KRT76: variants seen among roughly 807,000 people sequenced by gnomAD.
KRT76 encodes keratin 76.
KRT76 carries 47 observed loss-of-function variants against 44.9 expected under a neutral mutation model. That is an observed-to-expected ratio of 1.05 (90% CI 0.83 to 1.33). The LOEUF is 1.33. Among genes scored for constraint, KRT76 ranks in the 40% most tolerant of loss-of-function variants. The probability of loss-of-function intolerance (pLI) is 0.00; values close to 1 mark genes in which losing one functional copy is unlikely to be tolerated. For synonymous variants in KRT76, 331 were observed against 294.1 expected (o/e 1.13, Z -1.28); for missense variants, 860 against 775.8 (o/e 1.11, Z -1.29).
chr12:52,768,850 T>C lies in KRT76; in HGVS notation c.1780A>G (p.Ser594Gly). ...GAGCTGGAGCCCATTCCACTGTGGC[T>C]CACGGAGATGCTACCTGCACCGCCG... The part of the protein sequence containing the change: ...RLGGAGSISV[S>G]HSGMGSSSGS... Residue 594 changes from serine to glycine, a missense_variant, in exon 9 of 9, where the codon AGC becomes GGC. Ser to Gly is a moderately conservative substitution (Grantham distance 56). Transcript: ENST00000332411. 1 of 1,613,864 alleles carries C rather than the reference T, an allele frequency of 6.2e-7. No homozygotes were observed. The highest frequency in any genetic ancestry group is 8.5e-7 in the Non-Finnish European group (1 of 1,179,936).
chr12:52,770,389 C>T (rs957683464), intron 7 of KRT76, among the ~76,000 whole-genome samples: 21 of 152,166 alleles, frequency 1.4e-4, no homozygotes, highest in Non-Finnish European at 1.5e-5. Context: ...CTTGACACTC[C>T]TTTAGCATTT....
At chr12:52,776,545 A>T in intron 1 of KRT76, 147 bp downstream of exon 1, 1 of 1,268,020 alleles carries the variant, frequency 7.9e-7, no homozygotes, top group South Asian at 1.5e-5. Flanking sequence ...TGAAAGGGGC[A>T]TGATCACTGT....
chr12:52,775,677 C>T (rs760154984), intron 1 of KRT76, 75 bp from the exon 2 acceptor site: 11 of 1,183,672 alleles, frequency 9.3e-6, no homozygotes, highest in Admixed American at 2.1e-5. Context: ...AAATGTAGAA[C>T]TGTGGAGAAG....
In KRT76 at chr12:52,768,665, T is replaced by G. The variant is rs1389397823; in HGVS notation, c.*48A>C. On this transcript the variant is annotated 3_prime_UTR_variant, in exon 9 of 9. Transcript: ENST00000332411. The stretch of plus-strand genomic sequence containing the variant: ...CCAAGCAGAGAGTGGGAAACACTAT[T>G]GCAGGCTGAGTGGGAAGCAGGTGGT... The G allele has an allele frequency of 6.5e-7, 1 of 1,549,956 alleles. No homozygotes were observed. Among genetic ancestry groups the G allele is most frequent in the African/African-American group, 1.4e-5 (1 of 73,840 alleles).
Position 52,768,895 on chromosome 12 carries a change from T to G in KRT76, c.1735A>C (p.Ser579Arg). The G allele has an allele frequency of 1.2e-6, 2 of 1,612,388 alleles. No homozygotes were observed. Among genetic ancestry groups the G allele is most frequent in the Non-Finnish European group, 1.7e-6 (2 of 1,178,740 alleles). ...CCGCCGAGCCTGCTCCCACTACTGC[T>G]GCTCTGGTAGCTCCCGCTGCTACCC... ...GRGSSGSYQSSSSGSRLGGAG... is the reference protein window; with the variant it reads ...GRGSSGSYQSRSSGSRLGGAG... The change falls in exon 9 of 9, where the codon AGC (serine) becomes CGC (arginine). Residue 579 changes from serine to arginine, a missense_variant. Coordinates refer to ENST00000332411, the MANE Select transcript of KRT76 (RefSeq NM_015848.4).
Position 52,771,123 on chromosome 12 carries a change from G to A in KRT76, c.1360C>T (p.Leu454=), listed in dbSNP as rs12827931. Residue 454 remains leucine, a synonymous_variant, in exon 7 of 9, where the codon CTA becomes TTA. Coordinates refer to ENST00000332411, the MANE Select transcript of KRT76 (RefSeq NM_015848.4). The part of the protein sequence containing the change: ...NAKLQDLQTA[L]QKAKDDLARL... ...GCCAGGTCATCCTTAGCCTTCTGTA[G>A]GGCAGTCTGCAAGTCTTGGAGCTTG... 3.1e-6 allele frequency: 5 copies of A among 1,614,034 alleles called. No homozygotes were observed. In the African/African-American group the frequency reaches 5.3e-5, roughly 17 times the overall value.
At chr12:52,773,805 A>G (rs1464068615) in intron 2 of KRT76, among the ~76,000 whole-genome samples, 163 bp from the exon 3 acceptor site, 1 of 151,352 alleles carries the variant, frequency 6.6e-6, no homozygotes, top group East Asian at 1.9e-4. Context: ...ACTTAGCTCA[A>G]TGCTGGCACC....
In KRT76 at chr12:52,777,102, T is replaced by C. The variant is rs776440364; in HGVS notation, c.190A>G (p.Asn64Asp). Reference sequence around the variant, plus strand: ...GCCACGCTGATGGAGATGCTCTTGTTGCTGCCCAGGTTGTAGAGGCTGCGA... The same window carrying C: ...GCCACGCTGATGGAGATGCTCTTGTCGCTGCCCAGGTTGTAGAGGCTGCGA... ...GSRSLYNLGS[N>D]KSISISVAAG... The change falls in exon 1 of 9, where the codon AAC (asparagine) becomes GAC (aspartate). Residue 64 changes from asparagine (N) to aspartate (D), a missense_variant. Coordinates refer to ENST00000332411, the MANE Select transcript of KRT76 (RefSeq NM_015848.4). 6.2e-7 allele frequency: 1 copy of C among 1,614,214 alleles called. No individual in the cohort carries two copies. Among genetic ancestry groups the C allele is most frequent in the South Asian group, 1.1e-5 (1 of 91,090 alleles).
chr12:52,777,104 C>T lies in KRT76; in HGVS notation c.188G>A (p.Ser63Asn). The change falls in exon 1 of 9, where the codon AGC becomes AAC. Residue 63 changes from serine (S) to asparagine (N), a missense_variant. By Grantham distance (46) the Ser-to-Asn change is conservative (BLOSUM62 1). Coordinates refer to ENST00000332411, the MANE Select transcript of KRT76 (RefSeq NM_015848.4). ...FGSRSLYNLG[S>N]NKSISISVAA... is the part of the protein sequence containing the mutation. The stretch of plus-strand genomic sequence containing the variant: ...CACGCTGATGGAGATGCTCTTGTTG[C>T]TGCCCAGGTTGTAGAGGCTGCGACT... 1 of 1,614,236 alleles carries T rather than the reference C, an allele frequency of 6.2e-7. No individual in the cohort carries two copies. Among genetic ancestry groups the T allele is most frequent in the Non-Finnish European group, 8.5e-7 (1 of 1,180,048 alleles).
rs775398783 is a variant in KRT76, at chr12:52,777,279, C to T, written c.13G>A (p.Val5Ile). The change falls in exon 1 of 9, where the codon GTT (valine) becomes ATT (isoleucine). Residue 5 changes from valine (V) to isoleucine (I), a missense_variant. By Grantham distance (29) the Val-to-Ile change is conservative. Coordinates refer to ENST00000332411, the MANE Select transcript of KRT76 (RefSeq NM_015848.4). Reference sequence around the variant, plus strand: ...CTGCCACTGAAGGATTTCTTGCAAACTTGTCTGTTCATAGTGAGAGAGCTT... The same window carrying T: ...CTGCCACTGAAGGATTTCTTGCAAATTTGTCTGTTCATAGTGAGAGAGCTT... MNRQ[V>I]CKKSFSGRSQ... 8 of 1,614,060 alleles carry T rather than the reference C, an allele frequency of 5.0e-6. No individual in the cohort carries two copies. The South Asian group carries it at 5.5e-5, about 11-fold the overall frequency.
chr12:52,771,722 G>T, intron 6 of KRT76, 149 bp downstream of exon 6: 1 of 972,218 alleles, frequency 1.0e-6, no homozygotes, highest in Non-Finnish European at 1.5e-6. Context: ...AAAAACATCT[G>T]GGAGAACAGA....
rs776248834 is a variant in KRT76 at position 52,776,651 on chromosome 12, C to T, written c.600+41G>A. 4 of 1,613,104 alleles carry T rather than the reference C, an allele frequency of 2.5e-6. No individual in the cohort carries two copies. The South Asian group carries it at 4.4e-5, about 18-fold the overall frequency. ...GCATCTTTCTACACCGACCCCTGGG[C>T]ACCCCAAACCCTCCACAGCACCTCT... is the stretch of plus-strand genomic sequence containing the variant. On this transcript the variant is annotated intron_variant, in intron 1 of 8. Transcript: ENST00000332411.
chr12:52,772,960 G>A lies in KRT76; in HGVS notation c.877-82C>T, dbSNP rs7964877. ...GCTCTTTCCTAAGCCCTCATGTCTC[G>A]TCTTTGTTCCGCCCCCAGCTCTCCT... On this transcript the variant is annotated intron_variant, in intron 3 of 8. Transcript: ENST00000332411. The A allele has an allele frequency of 6.8e-4, 633 of 931,928 alleles. 5 individuals are homozygous for A. The African/African-American group carries it at 9.0e-3, about 13-fold the overall frequency. 57.7% of individuals were successfully genotyped at this position (931,928 alleles called of 1,614,324 possible). A position where few individuals can be genotyped will look rare whatever the true frequency, so the allele number is the denominator to read the frequency against.
chr12:52,774,156 T>C (rs1466541890), intron 2 of KRT76, among the ~76,000 whole-genome samples: 1 of 152,218 alleles, frequency 6.6e-6, no homozygotes, highest in African/African-American at 2.4e-5. Flanking sequence ...TCCTGCATTA[T>C]CATTTTGCAC....
intron 2 of KRT76, among the ~76,000 whole-genome samples, chr12:52,774,151 C>A (rs994764416): frequency 5.3e-5 from 8 of 152,182 alleles, no homozygotes; most frequent in Non-Finnish European, 1.0e-4. Context: ...TAGGTTCCTG[C>A]ATTATCATTT....
At chr12:52,769,415 A>T (rs1939144852) in intron 8 of KRT76, 134 bp downstream of exon 8, 1 of 765,562 alleles carries the variant, frequency 1.3e-6, no homozygotes, top group Non-Finnish European at 2.3e-6. Flanking sequence ...CCATGGCCTG[A>T]GATCCTAGAC....
intron 4 of KRT76, 118 bp from the exon 5 acceptor site, chr12:52,772,376 G>T (rs1358155392): frequency 1.9e-6 from 2 of 1,034,566 alleles, no homozygotes; most frequent in Admixed American, 2.9e-5. Context: ...GGAAAAATAA[G>T]CTCACATTTT....
At position 52,773,831 on chromosome 12, in the gene KRT76, C is replaced by CT. The variant is rs56913347; in HGVS notation, c.816-190dup. The stretch of plus-strand genomic sequence containing the variant: ...TGCTGGCACCATATTGACATTCTTT[C>CT]TTTTTTTTTTTTTTTTCTGAGACAA... On this transcript the variant is annotated intron_variant, in intron 2 of 8. Transcript: ENST00000332411. Among the ~76,000 whole-genome samples the CT allele has an allele frequency of 2.6e-3, 359 of 139,140 alleles. 2 individuals are homozygous for CT. Among genetic ancestry groups the CT allele is most frequent in the East Asian group, 0.013 (64 of 4,826 alleles). The allele number at this position is 139,140 out of a possible 152,430, so 91.3% of individuals were successfully genotyped here.
chr12:52,774,729 T>C (rs1022051592), intron 2 of KRT76, among the ~76,000 whole-genome samples: 1 of 152,106 alleles, frequency 6.6e-6, no homozygotes, highest in Non-Finnish European at 1.5e-5. Flanking sequence ...GTTTGTGTGG[T>C]TGAATTGGAA....
Sources: allele counts gnomAD v4.1 joint callset (sites outside exome capture counted in the v4.1 genomes callset), GRCh38; gene constraint gnomAD v4.1.1; transcripts MANE v1.5; gene names NCBI Gene and HGNC (gene_info 2026-07-23, HGNC 2026-07-21).